Variants in STARD13 observed in about 807,000 individuals in gnomAD.
STARD13 encodes StAR related lipid transfer domain containing 13.
A neutral mutation model predicts 106.4 loss-of-function variants in STARD13; 62 were observed. The ratio of observed to expected loss-of-function variants is 0.58; its 90% CI spans 0.48 to 0.72. The LOEUF is 0.72. Ranked by LOEUF, STARD13 falls within the 30% of genes least tolerant of loss-of-function variation. STARD13 has a pLI of 0.00. For synonymous variants in STARD13, 565 were observed against 553.0 expected, an observed-to-expected ratio of 1.02 and a Z score of -0.31; for missense variants, 1,387 against 1,424.0, an observed-to-expected ratio of 0.97 and a Z score of 0.42.
the STARD13 span, among the ~76,000 whole-genome samples, chr13:33,579,529 A>G: frequency 5.8e-4 from 88 of 151,902 alleles, no homozygotes; most frequent in Non-Finnish European, 1.1e-3. Context: ...ATTGAGTACA[A>G]TGTACACAGC....
At chr13:33,437,129 G>C in the STARD13 span, among the ~76,000 whole-genome samples, 1 of 152,146 alleles carries the variant, frequency 6.6e-6, no homozygotes, top group South Asian at 2.1e-4. Flanking sequence ...GCCACACCCT[G>C]GGCCTGGTAA....
intron 1 of STARD13, among the ~76,000 whole-genome samples, chr13:33,217,701 C>A: frequency 6.6e-6 from 1 of 152,152 alleles, no homozygotes; most frequent in East Asian, 1.9e-4. Flanking sequence ...GTGATGCTCC[C>A]TCTGGGAAGA....
At chr13:33,345,666 G>A (rs748216757), downstream of STARD13, among the ~76,000 whole-genome samples, 33 of 152,086 alleles carry the variant, frequency 2.2e-4, no homozygotes, top group African/African-American at 7.0e-4. Flanking sequence ...CAACTGCCAC[G>A]GAATTGGAAA....
At chr13:33,423,875 ATAGGTGGGAATT>A in the STARD13 span, among the ~76,000 whole-genome samples, 1 of 152,186 alleles carries the variant, frequency 6.6e-6, no homozygotes, top group Admixed American at 6.5e-5. Flanking sequence ...GTTCTCACTC[ATAGGTGGGAATT>A]GAACAATGAG....
chr13:33,133,399 T>C (rs971173167), intron 4 of STARD13, among the ~76,000 whole-genome samples: 10 of 152,302 alleles, frequency 6.6e-5, no homozygotes, highest in Middle Eastern at 3.4e-3. Context: ...TTTTGCAGTA[T>C]TTAGGTTGTT....
the STARD13 span, among the ~76,000 whole-genome samples, chr13:33,588,602 G>A: frequency 1.6e-3 from 240 of 152,236 alleles, no homozygotes; most frequent in African/African-American, 5.5e-3. Context: ...AAATAAAGAA[G>A]GTGACTGTTT....
At chr13:33,429,478 T>G in the STARD13 span, among the ~76,000 whole-genome samples, 13 of 151,028 alleles carry the variant, frequency 8.6e-5, no homozygotes, top group Admixed American at 6.6e-5. Flanking sequence ...GAGCCGAGAT[T>G]GCGCCACTGC....
At chr13:33,614,171 A>G in the STARD13 span, among the ~76,000 whole-genome samples, 1 of 152,100 alleles carries the variant, frequency 6.6e-6, no homozygotes, top group African/African-American at 2.4e-5. Flanking sequence ...CCTGAGGTAG[A>G]GCCCTTGGCA....
At chr13:33,637,551 T>C in the STARD13 span, among the ~76,000 whole-genome samples, 1 of 152,230 alleles carries the variant, frequency 6.6e-6, no homozygotes, top group African/African-American at 2.4e-5. Context: ...CAATATTATT[T>C]TGATTTCTCT....
At chr13:33,502,638 AT>A in the STARD13 span, among the ~76,000 whole-genome samples, 1 of 152,178 alleles carries the variant, frequency 6.6e-6, no homozygotes, top group African/African-American at 2.4e-5. Context: ...ATCTATTGAG[AT>A]AATCATGTGG....
intron 1 of STARD13, among the ~76,000 whole-genome samples, chr13:33,186,415 G>A (rs1320016984): frequency 6.6e-6 from 1 of 152,278 alleles, no homozygotes; most frequent in Admixed American, 6.5e-5. Context: ...CATAATTCCA[G>A]TGGTTAATCT....
chr13:33,630,235 C>T, the STARD13 span, among the ~76,000 whole-genome samples: 1 of 152,302 alleles, frequency 6.6e-6, no homozygotes, highest in African/African-American at 2.4e-5. Flanking sequence ...TTGCAAATTC[C>T]TGGTCCTGCG....
At chr13:33,299,531 C>T (rs1279584543) in intron 1 of STARD13, among the ~76,000 whole-genome samples, 2 of 152,088 alleles carry the variant, frequency 1.3e-5, no homozygotes, top group Admixed American at 6.5e-5. Context: ...AGTAAAAAAG[C>T]CAAACATAAT....
intron 1 of STARD13, among the ~76,000 whole-genome samples, chr13:33,237,018 A>T (rs539350393): frequency 6.6e-6 from 1 of 151,524 alleles, no homozygotes; most frequent in Non-Finnish European, 1.5e-5. Context: ...TCACTGCTCA[A>T]TTTTCTTCTT....
At chr13:33,421,728 A>T in the STARD13 span, among the ~76,000 whole-genome samples, 11,137 of 152,224 alleles carry the variant, frequency 0.073, 903 homozygotes, top group East Asian at 0.3. Context: ...CCAGCAACAC[A>T]TCAAAAAGCT....
chr13:33,177,019 AAAC>A, intron 1 of STARD13, among the ~76,000 whole-genome samples: 1 of 152,362 alleles, frequency 6.6e-6, no homozygotes, highest in South Asian at 2.1e-4. Flanking sequence ...TGATGTTTAA[AAAC>A]AAAGTAGGAA....
upstream of STARD13, among the ~76,000 whole-genome samples, chr13:33,287,971 A>C (rs1295086704): frequency 1.3e-5 from 2 of 152,154 alleles, no homozygotes; most frequent in Non-Finnish European, 2.9e-5. Flanking sequence ...AGAGCACTTA[A>C]AGATAGACCG....
chr13:33,166,864 G>A (rs1883369046), intron 2 of STARD13, among the ~76,000 whole-genome samples: 1 of 151,866 alleles, frequency 6.6e-6, no homozygotes, highest in Admixed American at 6.6e-5. Flanking sequence ...GTGTGGTGGT[G>A]CCCGCCTGTA....
chr13:33,125,149 A>G (rs563178641), intron 7 of STARD13, among the ~76,000 whole-genome samples: 2 of 152,334 alleles, frequency 1.3e-5, no homozygotes, highest in Admixed American at 1.3e-4. Flanking sequence ...CTCTACAAGC[A>G]TCACTAGCCA....
Sources: gnomAD v4.1 joint callset for allele counts (sites outside exome capture counted in the v4.1 genomes callset) on GRCh38, gnomAD v4.1.1 for gene constraint, MANE v1.5 for transcripts, NCBI Gene and HGNC (gene_info 2026-07-23, HGNC 2026-07-21) for gene names.